The following RIPK1 variants were observed in gnomAD, a reference collection of about 807,000 sequenced individuals.
RIPK1 encodes receptor interacting serine/threonine kinase 1, also known as receptor-interacting serine/threonine-protein kinase 1.
RIPK1 carries 27 observed loss-of-function variants against 62.4 expected under a neutral mutation model. The ratio of observed to expected loss-of-function variants is 0.43; its 90% CI spans 0.32 to 0.60. RIPK1 has a LOEUF of 0.60. RIPK1 is among the 20% of genes least tolerant of loss of function. The probability of loss-of-function intolerance (pLI) is 0.07; values close to 1 mark genes in which losing one functional copy is unlikely to be tolerated. For synonymous variants in RIPK1, 287 were observed against 303.2 expected (o/e 0.95, Z 0.55); for missense variants, 735 against 831.0 (o/e 0.88, Z 1.42).
intron 2 of RIPK1, among the ~76,000 whole-genome samples, chr6:3,077,258 G>A (rs1759118489): frequency 6.6e-6 from 1 of 152,106 alleles, no homozygotes; most frequent in Non-Finnish European, 1.5e-5. Context: ...GTGGTGGGGG[G>A]ACAATGAAAA....
intron 6 of RIPK1, among the ~76,000 whole-genome samples, chr6:3,087,354 C>T (rs996118353): frequency 2.0e-5 from 3 of 152,008 alleles, no homozygotes; most frequent in Non-Finnish European, 2.9e-5. Context: ...GGAATTCTGA[C>T]AACATAAAAA....
intron 7 of RIPK1, among the ~76,000 whole-genome samples, chr6:3,102,996 C>T (rs1760666701): frequency 6.6e-6 from 1 of 152,338 alleles, no homozygotes; most frequent in Non-Finnish European, 1.5e-5. Flanking sequence ...TCTCCACCAT[C>T]TTACCAACAC....
At position 3,083,330 on chromosome 6, in the gene RIPK1, T is replaced by A. The variant is rs572356869; in HGVS notation, c.688+17T>A. 9.4e-6 allele frequency: 15 copies of A among 1,595,554 alleles called. No individual in the cohort carries two copies. The South Asian group carries it at 1.7e-4, about 18-fold the overall frequency. On this transcript the variant is annotated intron_variant, in intron 5 of 10. Coordinates refer to ENST00000259808, the MANE Select transcript of RIPK1 (RefSeq NM_001354930.2). ...CATATGAAAGTAAGGCATTACTTACTTTCCACTGCCGTCCCCTCAGCATCT... is the reference window on the plus strand; with the variant it reads ...CATATGAAAGTAAGGCATTACTTACATTCCACTGCCGTCCCCTCAGCATCT...
In RIPK1 at chr6:3,113,202, A is replaced by C; in HGVS notation, c.1879A>C (p.Lys627Gln). The C allele has an allele frequency of 1.2e-6, 2 of 1,614,068 alleles. No individual in the cohort carries two copies. The highest frequency in any genetic ancestry group is 8.5e-7 in the Non-Finnish European group (1 of 1,179,988). ...HDYERDGLKE[K>Q]VYQMLQKWVM... ...CTATGAGCGAGATGGACTGAAAGAA[A>C]AGGTTTACCAGATGCTCCAAAAGTG... The change falls in exon 11 of 11, where the codon AAG (lysine) becomes CAG (glutamine). Residue 627 changes from lysine (K) to glutamine (Q), a missense_variant. By Grantham distance (53) the Lys-to-Gln change is moderately conservative. Around this residue, in one of 2 missense-constraint regions of RIPK1, gnomAD observed 64 missense variants for 104.8 expected, o/e 0.61. Coordinates refer to ENST00000259808, the MANE Select transcript of RIPK1 (RefSeq NM_001354930.2). This position sits in a 1 kb window ranked among gnomAD's most constrained non-coding sequence, Gnocchi z 5.0.
At chr6:3,110,183 T>C (rs1581441515) in intron 9 of RIPK1, among the ~76,000 whole-genome samples, 2 of 151,554 alleles carry the variant, frequency 1.3e-5, no homozygotes, top group Admixed American at 1.3e-4. Context: ...ATTCTATCTT[T>C]AATTTTTTTG....
At chr6:3,095,355 A>G (rs1229859370) in intron 7 of RIPK1, among the ~76,000 whole-genome samples, 8 of 152,224 alleles carry the variant, frequency 5.3e-5, no homozygotes, top group African/African-American at 9.6e-5. Flanking sequence ...AGCTTCATCA[A>G]TGATTTCTGC....
chr6:3,086,162 G>A (rs1759680237), intron 6 of RIPK1, among the ~76,000 whole-genome samples: 1 of 152,178 alleles, frequency 6.6e-6, no homozygotes, highest in African/African-American at 2.4e-5. Context: ...AGTATTCTAT[G>A]GTGTGGATGT....
chr6:3,114,441 T>C lies in RIPK1; in HGVS notation c.*1102T>C, dbSNP rs1761310961. ...AGCCCACCTGAAACCTGGGGGTGGA[T>C]GAAAGAACTAGAATAGAAGACTGAA... On this transcript the variant is annotated 3_prime_UTR_variant, in exon 11 of 11. Transcript: ENST00000259808. This position sits in a 1 kb window ranked among gnomAD's most constrained non-coding sequence, Gnocchi z 5.0. The C allele has an allele frequency of 6.6e-6, 1 of 152,148 alleles. No homozygotes were observed. Among genetic ancestry groups the C allele is most frequent in the African/African-American group, 2.4e-5 (1 of 41,424 alleles). The allele number at this position is 152,148 out of a possible 1,614,324, so 9.4% of individuals were successfully genotyped here. A position where few individuals can be genotyped will look rare whatever the true frequency, so the allele number is the denominator to read the frequency against.
intron 1 of RIPK1, among the ~76,000 whole-genome samples, chr6:3,076,515 C>T (rs1759055116): frequency 6.6e-6 from 1 of 151,218 alleles, no homozygotes; most frequent in African/African-American, 2.4e-5. Context: ...CCCATCTCTA[C>T]AAATAATTAA....
At chr6:3,064,369 T>A (rs1174011953), upstream of RIPK1, among the ~76,000 whole-genome samples, 1 of 152,246 alleles carries the variant, frequency 6.6e-6, no homozygotes, top group Non-Finnish European at 1.5e-5. Flanking sequence ...GTGTTCTCAC[T>A]GCTCCTCTCT....
intron 7 of RIPK1, among the ~76,000 whole-genome samples, chr6:3,094,089 CCTGCACCTAGTAA>C (rs1561765150): frequency 3.1e-5 from 3 of 96,068 alleles, no homozygotes; most frequent in Admixed American, 3.0e-4. Context: ...GCGCCTACCT[CCTGCACCTAGTAA>C]CTGCAGAGTA....
At chr6:3,079,001 C>T (rs1759239366) in intron 3 of RIPK1, among the ~76,000 whole-genome samples, 1 of 151,852 alleles carries the variant, frequency 6.6e-6, no homozygotes, top group South Asian at 2.1e-4. Context: ...CAGGCTTGAA[C>T]TCCTGGCCTT....
At chr6:3,104,039 T>C (rs1287133273) in intron 7 of RIPK1, among the ~76,000 whole-genome samples, 186 bp from the exon 8 acceptor site, 3 of 152,250 alleles carry the variant, frequency 2.0e-5, no homozygotes, top group African/African-American at 7.2e-5. Context: ...GTGTGAGTCC[T>C]ACAACCTTGT....
At chr6:3,103,152 C>A (rs1760672619) in intron 7 of RIPK1, among the ~76,000 whole-genome samples, 1 of 151,556 alleles carries the variant, frequency 6.6e-6, no homozygotes, top group African/African-American at 2.4e-5. Flanking sequence ...TATGGAGAAA[C>A]TGCTATTCAA....
chr6:3,101,114 C>T (rs1760568271), intron 7 of RIPK1, among the ~76,000 whole-genome samples: 1 of 151,862 alleles, frequency 6.6e-6, no homozygotes, highest in South Asian at 2.1e-4. Flanking sequence ...CCGATCTCTA[C>T]AAAAAACACA....
chr6:3,089,496 G>C (rs1425316216), intron 6 of RIPK1, 85 bp from the exon 7 acceptor site: 1 of 723,238 alleles, frequency 1.4e-6, no homozygotes, highest in African/African-American at 1.8e-5. Flanking sequence ...ATTGAGGTAA[G>C]TAATTCAAAG....
chr6:3,069,209 G>A lies in RIPK1; in HGVS notation c.-61+548G>A, dbSNP rs552889517. On this transcript the variant is annotated intron_variant, in intron 1 of 10. Transcript: ENST00000259808. Reference sequence around the variant, plus strand: ...AGTGCCCTATCATTAAGAAAAAACAGTTTGGGCTCTTCCCTTACCAGCCCT... The same window carrying A: ...AGTGCCCTATCATTAAGAAAAAACAATTTGGGCTCTTCCCTTACCAGCCCT... Among the ~76,000 whole-genome samples the A allele has an allele frequency of 2.2e-4, 33 of 152,354 alleles. 1 individual carries two copies. In the South Asian group the frequency reaches 3.3e-3, roughly 15 times the overall value.
intron 7 of RIPK1, among the ~76,000 whole-genome samples, chr6:3,100,615 C>T (rs1187587102): frequency 6.6e-5 from 10 of 151,844 alleles, no homozygotes; most frequent in African/African-American, 9.7e-5. Flanking sequence ...CTTTTTGAGA[C>T]GGTCTTACTC....
chr6:3,068,630 G>C lies in RIPK1; in HGVS notation c.-92G>C. 3 of 985,354 alleles carry C rather than the reference G, an allele frequency of 3.0e-6. No homozygotes were observed. Among genetic ancestry groups the C allele is most frequent in the Non-Finnish European group, 3.6e-6 (3 of 829,960 alleles). 61.0% of individuals were successfully genotyped at this position (985,354 alleles called of 1,614,324 possible). ...GGGCCGACGGAGCGCGGCAGGACTT[G>C]GCTGGACGGCGCGGCCACGGAGAAG... On this transcript the variant is annotated 5_prime_UTR_variant, in exon 1 of 11. Coordinates refer to ENST00000259808, the MANE Select transcript of RIPK1 (RefSeq NM_001354930.2).
Sources: allele counts gnomAD v4.1 joint callset (sites outside exome capture counted in the v4.1 genomes callset), GRCh38; gene constraint gnomAD v4.1.1; regional missense constraint gnomAD v4.1.1; non-coding constraint Gnocchi (gnomAD v3.1); transcripts MANE v1.5; gene names NCBI Gene and HGNC (gene_info 2026-07-23, HGNC 2026-07-21).